The following CNTNAP2 variants were observed in gnomAD, a reference collection of about 807,000 sequenced individuals.
The protein encoded by CNTNAP2 is contactin associated protein 2, also known as contactin-associated protein-like 2.
CNTNAP2 carries 98 observed loss-of-function variants against 155.2 expected under a neutral mutation model. The observed-to-expected ratio is 0.63, with a 90% CI of 0.54 to 0.75. The LOEUF (loss-of-function observed/expected upper bound fraction) is 0.75, where lower values mean the gene tolerates loss of function less well. Among genes scored for constraint, CNTNAP2 ranks in the 30% least tolerant of loss-of-function variants. CNTNAP2 has a pLI of 0.00. For synonymous variants in CNTNAP2, 651 were observed against 631.2 expected (o/e 1.03, Z -0.47); for missense variants, 1,727 against 1,688.1 (o/e 1.02, Z -0.40).
Position 147,386,428 on chromosome 7 carries a change from C to T in CNTNAP2, c.1499-9181C>T, listed in dbSNP as rs139167406. On this transcript the variant is annotated intron_variant, in intron 9 of 23. Transcript: ENST00000361727. ...TAAAAGCTGAATGCCTTTAACAGCA[C>T]GCATTCACCCCTCAAATGCTTTTCT... 3.7e-4 allele frequency among the ~76,000 whole-genome samples: 57 copies of T among 152,288 alleles called. 1 individual carries two copies. The highest frequency in any genetic ancestry group is 1.2e-3 in the African/African-American group (51 of 41,566).
intron 1 of CNTNAP2, among the ~76,000 whole-genome samples, chr7:146,424,343 G>T (rs925386160): frequency 2.2e-4 from 34 of 152,238 alleles, no homozygotes; most frequent in African/African-American, 7.9e-4. Flanking sequence ...ATCAGCAAAG[G>T]GAAAAGCCAC....
At chr7:146,257,921 G>T (rs2129080980) in intron 1 of CNTNAP2, among the ~76,000 whole-genome samples, 1 of 150,492 alleles carries the variant, frequency 6.6e-6, no homozygotes, top group Non-Finnish European at 1.5e-5. Flanking sequence ...GTCTTGCTCT[G>T]TCACCCAGAC....
At chr7:147,373,771 G>T (rs1339995031) in intron 9 of CNTNAP2, among the ~76,000 whole-genome samples, 1 of 151,668 alleles carries the variant, frequency 6.6e-6, no homozygotes. Context: ...CTTGAGTTCT[G>T]TTTTTTCTGT....
At chr7:146,695,317 A>T (rs900763381) in intron 1 of CNTNAP2, among the ~76,000 whole-genome samples, 2 of 152,210 alleles carry the variant, frequency 1.3e-5, no homozygotes, top group Non-Finnish European at 2.9e-5. Flanking sequence ...GATTTTGTCA[A>T]ATGCCTTTTC....
At chr7:146,756,386 T>C (rs906675924) in intron 1 of CNTNAP2, among the ~76,000 whole-genome samples, 7 of 151,978 alleles carry the variant, frequency 4.6e-5, no homozygotes, top group Non-Finnish European at 8.8e-5. Context: ...TTGATAACAT[T>C]ATCTTCTGGG....
chr7:146,569,839 C>T (rs544288405), intron 1 of CNTNAP2, among the ~76,000 whole-genome samples: 1 of 152,186 alleles, frequency 6.6e-6, no homozygotes, highest in African/African-American at 2.4e-5. Context: ...TATAACTTCC[C>T]TACCTGACAA....
chr7:146,326,982 G>T (rs774399875), intron 1 of CNTNAP2, among the ~76,000 whole-genome samples: 172 of 152,196 alleles, frequency 1.1e-3, no homozygotes, highest in Non-Finnish European at 1.3e-3. Flanking sequence ...CCAGAGAAAA[G>T]TATAAAAATG....
intron 13 of CNTNAP2, among the ~76,000 whole-genome samples, chr7:147,682,712 A>G (rs1472641016): frequency 2.0e-5 from 3 of 151,918 alleles, no homozygotes; most frequent in African/African-American, 7.2e-5. Context: ...AGGGACCTAG[A>G]TAACAACTAA....
intron 1 of CNTNAP2, among the ~76,000 whole-genome samples, chr7:146,471,728 TAAC>T (rs575260813): frequency 7.2e-5 from 11 of 152,370 alleles, no homozygotes; most frequent in Middle Eastern, 6.8e-3. Flanking sequence ...ATTTTAATGA[TAAC>T]TATTCAGATA....
chr7:147,124,715 A>C (rs1445789058), intron 6 of CNTNAP2, among the ~76,000 whole-genome samples: 1 of 152,148 alleles, frequency 6.6e-6, no homozygotes, highest in Non-Finnish European at 1.5e-5. Context: ...TCTGCTTAGC[A>C]GTCGGTTCTT....
chr7:146,283,264 T>C (rs1584846911), intron 1 of CNTNAP2, among the ~76,000 whole-genome samples: 1 of 152,238 alleles, frequency 6.6e-6, no homozygotes, highest in East Asian at 1.9e-4. Flanking sequence ...GAATATTGAC[T>C]CCTAAATGAG....
intron 21 of CNTNAP2, among the ~76,000 whole-genome samples, chr7:148,303,553 A>G (rs924730697): frequency 2.0e-5 from 3 of 152,226 alleles, no homozygotes; most frequent in African/African-American, 7.2e-5. Flanking sequence ...ATAAGGTCAT[A>G]CATACTAAGC....
Position 146,391,318 on chromosome 7 carries a change from G to A in CNTNAP2, c.97+274345G>A, listed in dbSNP as rs925534145. Among the ~76,000 whole-genome samples, 22 of 151,748 alleles carry A rather than the reference G, an allele frequency of 1.4e-4. 1 individual carries two copies. The highest frequency in any genetic ancestry group is 1.2e-3 in the Admixed American group (18 of 15,222). On this transcript the variant is annotated intron_variant, in intron 1 of 23. Transcript: ENST00000361727. ...GTTGGAAGAAAGCCTTGCTTTTTGT[G>A]CTGGAGCATCGTCAGCACTTAGATG... is the stretch of plus-strand genomic sequence containing the variant.
Position 147,975,108 on chromosome 7 carries a change from A to AT in CNTNAP2, c.2256-2747dup, listed in dbSNP as rs202045014. ...AATTTTTTGTATTACGTATAATACA[A>AT]TTTTTTTGTATTATGTATAATATTT... is the stretch of plus-strand genomic sequence containing the variant. On this transcript the variant is annotated intron_variant, in intron 14 of 23. Transcript: ENST00000361727. 4.5e-5 allele frequency among the ~76,000 whole-genome samples: 5 copies of AT among 112,004 alleles called. No individual in the cohort carries two copies. In the Admixed American group the frequency reaches 4.5e-4, roughly 10 times the overall value. The allele number at this position is 112,004 out of a possible 152,430, so 73.5% of individuals were successfully genotyped here.
At chr7:148,124,086 G>A (rs1195991442) in intron 16 of CNTNAP2, among the ~76,000 whole-genome samples, 1 of 152,082 alleles carries the variant, frequency 6.6e-6, no homozygotes, top group Non-Finnish European at 1.5e-5. Flanking sequence ...AAGGGGGATT[G>A]GTAATACAGG....
chr7:146,665,845 AATTAT>A lies in CNTNAP2; in HGVS notation c.98-108422_98-108418del, dbSNP rs372842485. Among the ~76,000 whole-genome samples the A allele has an allele frequency of 2.8e-3, 412 of 146,278 alleles. 2 individuals are homozygous for A. The highest frequency in any genetic ancestry group is 0.01 in the African/African-American group (400 of 39,762). On this transcript the variant is annotated intron_variant, in intron 1 of 23. Coordinates refer to ENST00000361727, the MANE Select transcript of CNTNAP2 (RefSeq NM_014141.6). The stretch of plus-strand genomic sequence containing the variant: ...ATTTTTAATTTTATAACACTTTTAA[AATTAT>A]ATTGTCTTAAACTGACATAAAAATA...
chr7:147,278,850 A>G (rs184448335), intron 8 of CNTNAP2, among the ~76,000 whole-genome samples: 51 of 151,566 alleles, frequency 3.4e-4, no homozygotes, highest in African/African-American at 1.2e-3. Context: ...AAGTCTAAAA[A>G]TTATAAATAA....
At chr7:148,244,661 C>G (rs1481850694) in intron 20 of CNTNAP2, among the ~76,000 whole-genome samples, 1 of 151,532 alleles carries the variant, frequency 6.6e-6, no homozygotes, top group East Asian at 1.9e-4. Flanking sequence ...CTCCTGGGCT[C>G]AAGCGATCCT....
intron 13 of CNTNAP2, among the ~76,000 whole-genome samples, chr7:147,856,045 T>A (rs753255409): frequency 6.6e-6 from 1 of 152,154 alleles, no homozygotes; most frequent in South Asian, 2.1e-4. Flanking sequence ...AGAGCTCTGC[T>A]TGATTAGTTT....
Sources: allele counts gnomAD v4.1 joint callset (sites outside exome capture counted in the v4.1 genomes callset), GRCh38; gene constraint gnomAD v4.1.1; transcripts MANE v1.5; gene names NCBI Gene and HGNC (gene_info 2026-07-23, HGNC 2026-07-21).